ANKH: variants seen among roughly 807,000 people sequenced by gnomAD.
ANKH encodes the protein ANKH inorganic pyrophosphate transport regulator.
ANKH carries 15 observed loss-of-function variants against 49.0 expected under a neutral mutation model. The ratio of observed to expected loss-of-function variants is 0.31; its 90% CI spans 0.20 to 0.47. The LOEUF is 0.47. Ranked by LOEUF, ANKH falls within the 20% of genes least tolerant of loss-of-function variation. The pLI is 1.00. For missense variants in ANKH, 429 were observed against 652.0 expected, an observed-to-expected ratio of 0.66 and a Z score of 3.72; for synonymous variants, 273 against 260.0, an observed-to-expected ratio of 1.05 and a Z score of -0.48.
At chr5:14,795,677 C>T (rs1348009115) in intron 1 of ANKH, among the ~76,000 whole-genome samples, 1 of 152,122 alleles carries the variant, frequency 6.6e-6, no homozygotes, top group African/African-American at 2.4e-5. Context: ...GGCGAAACCC[C>T]ATTTTTAGTC....
chr5:14,810,389 C>T (rs559430506), intron 1 of ANKH, among the ~76,000 whole-genome samples: 1 of 152,034 alleles, frequency 6.6e-6, no homozygotes, highest in African/African-American at 2.4e-5. Context: ...AAACTCCTAA[C>T]CTCAGGTGAT....
Position 14,705,057 on chromosome 5 carries a change from G to T in ANKH, c.*6140C>A, listed in dbSNP as rs1736897502. On this transcript the variant is annotated 3_prime_UTR_variant, in exon 12 of 12. Transcript: ENST00000284268. ...ATTTGTATTTTAGAGACGGGGTTTT[G>T]CTCTGTTGCTCAGGCTGGATTCCAA... is the stretch of plus-strand genomic sequence containing the variant. The T allele has an allele frequency of 6.6e-6, 1 of 152,132 alleles. No homozygotes were observed. Among genetic ancestry groups the T allele is most frequent in the East Asian group, 1.9e-4 (1 of 5,182 alleles). The allele number at this position is 152,132 out of a possible 1,614,324, so 9.4% of individuals were successfully genotyped here. A position where few individuals can be genotyped will look rare whatever the true frequency, so the allele number is the denominator to read the frequency against.
At chr5:14,756,009 A>G in intron 3 of ANKH, 65 bp from the exon 4 acceptor site, 1 of 1,392,248 alleles carries the variant, frequency 7.2e-7, no homozygotes, top group Non-Finnish European at 1.0e-6. Context: ...CTGGTTGTTG[A>G]GATTTACTGG....
chr5:14,823,743 A>G (rs1741260991), intron 1 of ANKH, among the ~76,000 whole-genome samples: 1 of 152,230 alleles, frequency 6.6e-6, no homozygotes, highest in Admixed American at 6.5e-5. Flanking sequence ...CCTGGCCAAC[A>G]TGGTGAAATC....
chr5:14,786,677 C>T (rs1398458615), intron 1 of ANKH, among the ~76,000 whole-genome samples: 6 of 152,276 alleles, frequency 3.9e-5, no homozygotes, highest in Admixed American at 6.5e-5. Context: ...TAAAACCTAG[C>T]GCTAGCAAAG....
At chr5:14,805,619 T>A (rs1199242504) in intron 1 of ANKH, among the ~76,000 whole-genome samples, 1 of 151,858 alleles carries the variant, frequency 6.6e-6, no homozygotes, top group African/African-American at 2.4e-5. Flanking sequence ...ATCTTTTTTA[T>A]ATGAAACTTG....
At chr5:14,799,945 G>A (rs1324456390) in intron 1 of ANKH, among the ~76,000 whole-genome samples, 1 of 152,148 alleles carries the variant, frequency 6.6e-6, no homozygotes, top group Non-Finnish European at 1.5e-5. Context: ...GCAAAGGATA[G>A]TGAAAACCTT....
In ANKH at chr5:14,712,889, A is replaced by T; in HGVS notation, c.1350T>A (p.Tyr450Ter). The change falls in exon 11 of 12, where the codon TAT (tyrosine) becomes TAA (stop). Residue 450 changes from tyrosine to a stop codon, truncating the protein, a stop_gained. Coordinates refer to ENST00000284268, the MANE Select transcript of ANKH (RefSeq NM_054027.6). LOFTEE classifies it high-confidence loss of function. The part of the protein sequence containing the change: ...ESTMVAIAAC[Y>*]VYRKQKKKME... ...GCTGTCTCACCTGCTTCCGGTAGAC[A>T]TAGCACGCAGCGATGGCGACCATGG... 6.2e-7 allele frequency: 1 copy of T among 1,611,514 alleles called. No individual in the cohort carries two copies. Among genetic ancestry groups the T allele is most frequent in the Non-Finnish European group, 8.5e-7 (1 of 1,179,174 alleles).
chr5:14,804,100 T>C (rs2126564077), intron 1 of ANKH, among the ~76,000 whole-genome samples: 1 of 152,298 alleles, frequency 6.6e-6, no homozygotes, highest in East Asian at 1.9e-4. Flanking sequence ...TTCACCATGT[T>C]GGCCAGGCTG....
intron 1 of ANKH, among the ~76,000 whole-genome samples, chr5:14,808,409 TA>T (rs139380260): frequency 2.0e-5 from 3 of 152,188 alleles, no homozygotes; most frequent in Non-Finnish European, 2.9e-5. Flanking sequence ...TCTGGGTAAT[TA>T]AAAAATTTCC....
At chr5:14,811,602 A>G (rs1740886605) in intron 1 of ANKH, among the ~76,000 whole-genome samples, 1 of 152,218 alleles carries the variant, frequency 6.6e-6, no homozygotes, top group South Asian at 2.1e-4. Context: ...AAGAATATTG[A>G]AATTCTGATG....
chr5:14,791,144 T>C (rs1447645241), intron 1 of ANKH, among the ~76,000 whole-genome samples: 3 of 152,166 alleles, frequency 2.0e-5, no homozygotes, highest in Non-Finnish European at 4.4e-5. Context: ...CCACGTAAGC[T>C]GGAAATCACG....
intron 1 of ANKH, among the ~76,000 whole-genome samples, chr5:14,781,689 A>C (rs1739811137): frequency 6.6e-6 from 1 of 152,180 alleles, no homozygotes; most frequent in South Asian, 2.1e-4. Flanking sequence ...ATTTAACCTC[A>C]ATTCAAGATG....
At chr5:14,837,127 A>G (rs1741678714) in intron 1 of ANKH, among the ~76,000 whole-genome samples, 1 of 152,256 alleles carries the variant, frequency 6.6e-6, no homozygotes. Flanking sequence ...TTCAAGATGG[A>G]TTAAAGACTT....
At chr5:14,829,021 T>C (rs1468850593) in intron 1 of ANKH, among the ~76,000 whole-genome samples, 1 of 151,652 alleles carries the variant, frequency 6.6e-6, no homozygotes, top group Non-Finnish European at 1.5e-5. Context: ...TCGTCTCTAT[T>C]AAAAATACAA....
chr5:14,718,565 G>C (rs1737559986), intron 8 of ANKH, among the ~76,000 whole-genome samples: 1 of 152,204 alleles, frequency 6.6e-6, no homozygotes, highest in African/African-American at 2.4e-5. Context: ...AATCCCAGCA[G>C]TTTGGGAGGC....
At chr5:14,866,633 C>A (rs1468415459) in intron 1 of ANKH, among the ~76,000 whole-genome samples, 1 of 152,098 alleles carries the variant, frequency 6.6e-6, no homozygotes, top group African/African-American at 2.4e-5. Flanking sequence ...ATGCTCCTTT[C>A]CTTAGCAATC....
chr5:14,755,777 G>C, intron 4 of ANKH, 84 bp downstream of exon 4: 1 of 1,293,158 alleles, frequency 7.7e-7, no homozygotes, highest in Non-Finnish European at 1.1e-6. Flanking sequence ...GTACTGCACA[G>C]TGAATGAATA....
intron 1 of ANKH, among the ~76,000 whole-genome samples, chr5:14,825,133 A>G (rs746106593): frequency 1.3e-5 from 2 of 152,196 alleles, no homozygotes; most frequent in Non-Finnish European, 2.9e-5. Context: ...TCATTCAGCT[A>G]CCATTACCAA....
Sources: allele counts gnomAD v4.1 joint callset (sites outside exome capture counted in the v4.1 genomes callset), GRCh38; gene constraint gnomAD v4.1.1; transcripts MANE v1.5; gene names NCBI Gene and HGNC (gene_info 2026-07-23, HGNC 2026-07-21).